Variants in NBEAL1 observed in about 807,000 individuals in gnomAD.
NBEAL1 encodes the protein neurobeachin like 1, also known as neurobeachin-like protein 1.
A neutral mutation model predicts 351.3 loss-of-function variants in NBEAL1; 273 were observed. The observed-to-expected ratio is 0.78, with a 90% CI of 0.70 to 0.86. NBEAL1 has a LOEUF of 0.86. NBEAL1 is among the 40% of genes least tolerant of loss of function. The pLI is 0.00. For synonymous variants in NBEAL1, 1,050 were observed against 1,086.4 expected (o/e 0.97, Z 0.66); for missense variants, 2,961 against 3,201.3 (o/e 0.92, Z 1.81).
chr2:203,211,195 T>A, intron 54 of NBEAL1, 89 bp downstream of exon 54: 1 of 1,008,240 alleles, frequency 9.9e-7, no homozygotes, highest in Non-Finnish European at 1.4e-6. Flanking sequence ...AGATTTTTAA[T>A]CTTTTGGTTT....
intron 2 of NBEAL1, among the ~76,000 whole-genome samples, chr2:203,033,277 G>T (rs2060982040): frequency 6.6e-6 from 1 of 152,200 alleles, no homozygotes; most frequent in Non-Finnish European, 1.5e-5. Context: ...TGGAATTACA[G>T]GCGTGAGCCA....
At chr2:203,121,344 G>A (rs2062825331) in intron 18 of NBEAL1, among the ~76,000 whole-genome samples, 2 of 152,038 alleles carry the variant, frequency 1.3e-5, no homozygotes, top group African/African-American at 4.8e-5. Flanking sequence ...GTTTAAAAGA[G>A]AAAAATTTAA....
chr2:203,050,099 G>T, intron 4 of NBEAL1, 124 bp downstream of exon 4: 1 of 850,880 alleles, frequency 1.2e-6, no homozygotes. Flanking sequence ...GCTAGGAGAG[G>T]GATAACATTA....
chr2:203,202,579 G>A, intron 50 of NBEAL1, 108 bp from the exon 51 acceptor site: 2 of 699,352 alleles, frequency 2.9e-6, no homozygotes, highest in Non-Finnish European at 5.2e-6. Flanking sequence ...ATTCCTCCCT[G>A]TTGGCATAAC....
intron 25 of NBEAL1, 31 bp downstream of exon 25, chr2:203,130,507 T>C: frequency 7.3e-7 from 1 of 1,361,372 alleles, no homozygotes. Flanking sequence ...TCTTTGTATT[T>C]TGAGGCGTTT....
At chr2:203,022,749 T>G (rs1358776732) in intron 2 of NBEAL1, among the ~76,000 whole-genome samples, 2 of 152,214 alleles carry the variant, frequency 1.3e-5, no homozygotes, top group Non-Finnish European at 2.9e-5. Flanking sequence ...CTTACTATTT[T>G]ATCAGTAGTA....
intron 51 of NBEAL1, among the ~76,000 whole-genome samples, chr2:203,207,398 C>T (rs1312526365): frequency 1.2e-4 from 18 of 152,190 alleles, no homozygotes; most frequent in Non-Finnish European, 2.5e-4. Flanking sequence ...GCCACCACCC[C>T]GTCTGGGAGG....
Position 203,145,138 on chromosome 2 carries a change from G to A in NBEAL1, c.5282G>A (p.Gly1761Glu), listed in dbSNP as rs764775155. The A allele has an allele frequency of 1.8e-5, 29 of 1,600,794 alleles. No individual in the cohort carries two copies. The highest frequency in any genetic ancestry group is 2.5e-5 in the Non-Finnish European group (29 of 1,176,696). Residue 1761 changes from glycine (G) to glutamate (E), a missense_variant, in exon 33 of 56, where the codon GGG (glycine) becomes GAG (glutamate). Coordinates refer to ENST00000683969, the MANE Select transcript of NBEAL1 (RefSeq NM_001378026.1). ...ATGCATAAACGAGACCGGGAAGGAG[G>A]GGAAAGCAAGCTCAAATTTCAGGTA... ...VNMHKRDREG[G>E]ESKLKFQELF...
In NBEAL1 at chr2:203,016,247, T is replaced by C; in HGVS notation, c.-138T>C. On this transcript the variant is annotated 5_prime_UTR_variant, in exon 2 of 56. Transcript: ENST00000683969. Reference sequence around the variant, plus strand: ...GTTTTTAACCAGAGGACAGTCCATTTGTTTCACTTCTTTTTGCTTTCTTTA... The same window carrying C: ...GTTTTTAACCAGAGGACAGTCCATTCGTTTCACTTCTTTTTGCTTTCTTTA... The C allele has an allele frequency of 2.1e-6, 1 of 482,986 alleles. No homozygotes were observed. The highest frequency in any genetic ancestry group is 3.6e-6 in the Non-Finnish European group (1 of 280,976). 29.9% of individuals were successfully genotyped at this position (482,986 alleles called of 1,614,324 possible).
intron 36 of NBEAL1, among the ~76,000 whole-genome samples, chr2:203,160,325 C>T (rs901792565): frequency 1.4e-4 from 22 of 152,116 alleles, no homozygotes; most frequent in African/African-American, 5.1e-4. Flanking sequence ...AGGTGATCCA[C>T]CCGCCTCGGC....
At chr2:203,030,634 A>G (rs2060935523) in intron 2 of NBEAL1, among the ~76,000 whole-genome samples, 1 of 152,226 alleles carries the variant, frequency 6.6e-6, no homozygotes, top group Non-Finnish European at 1.5e-5. Flanking sequence ...TCCCTCCACT[A>G]GGACTTCAGG....
At position 203,144,736 on chromosome 2, in the gene NBEAL1, A is replaced by T. The variant is rs116563932; in HGVS notation, c.4985A>T (p.Tyr1662Phe). The change falls in exon 32 of 56, where the codon TAC becomes TTC. Residue 1662 changes from tyrosine to phenylalanine, a missense_variant. Tyr to Phe is a conservative substitution (Grantham distance 22, BLOSUM62 3). Transcript: ENST00000683969. ...TCAATCAAGGAACAGACTGAAATCT[A>T]CTCATTTCTGATTCCCCTTGTTCGT... is the stretch of plus-strand genomic sequence containing the variant. ...SQSIKEQTEI[Y>F]SFLIPLVRTL... The T allele has an allele frequency of 8.8e-4, 1,427 of 1,614,022 alleles. 12 individuals carry two copies. In the African/African-American group the frequency reaches 0.017, roughly 20 times the overall value.
At chr2:203,026,969 C>T (rs577760493) in intron 2 of NBEAL1, among the ~76,000 whole-genome samples, 2 of 152,200 alleles carry the variant, frequency 1.3e-5, no homozygotes, top group African/African-American at 4.8e-5. Flanking sequence ...TTTTAATATA[C>T]GTTCAGCCTG....
rs189040610 is a variant in NBEAL1 at position 203,158,782 on chromosome 2, T to C, written c.5714+957T>C. Among the ~76,000 whole-genome samples, 278 of 151,710 alleles carry C rather than the reference T, an allele frequency of 1.8e-3. 9 individuals carry two copies. The highest frequency in any genetic ancestry group is 0.018 in the Admixed American group (267 of 15,174). On this transcript the variant is annotated intron_variant, in intron 36 of 55. Coordinates refer to ENST00000683969, the MANE Select transcript of NBEAL1 (RefSeq NM_001378026.1). The stretch of plus-strand genomic sequence containing the variant: ...CATTTCCTTTCAGCCTAAAAGACTT[T>C]CTCCAGTTTTTTTGTGTGTGTTTTT...
intron 36 of NBEAL1, 65 bp downstream of exon 36, chr2:203,157,890 T>G (rs1156688878): frequency 1.5e-6 from 2 of 1,297,406 alleles, no homozygotes; most frequent in Non-Finnish European, 2.0e-6. Context: ...TGGAAAAGAT[T>G]TGCTTGAAAT....
chr2:203,207,212 C>T (rs1183384323), intron 51 of NBEAL1, among the ~76,000 whole-genome samples: 3 of 150,834 alleles, frequency 2.0e-5, no homozygotes, highest in South Asian at 2.1e-4. Context: ...GTGAGGAGCC[C>T]CTCCGCCTGG....
At chr2:203,151,220 A>G (rs2063642639) in intron 34 of NBEAL1, among the ~76,000 whole-genome samples, 1 of 152,094 alleles carries the variant, frequency 6.6e-6, no homozygotes, top group Admixed American at 6.6e-5. Context: ...AATCCCTGCT[A>G]TGTCAGGAGG....
At chr2:203,137,975 C>G (rs1354332318) in intron 29 of NBEAL1, among the ~76,000 whole-genome samples, 187 bp from the exon 30 acceptor site, 2 of 145,994 alleles carry the variant, frequency 1.4e-5, no homozygotes, top group Non-Finnish European at 3.0e-5. Flanking sequence ...CAAGAGCGAT[C>G]TCTGCACTCC....
chr2:203,118,594 CTT>C (rs5837841), intron 18 of NBEAL1, among the ~76,000 whole-genome samples: 6 of 144,772 alleles, frequency 4.1e-5, no homozygotes, highest in Admixed American at 2.1e-4. Context: ...TGACAGCCAA[CTT>C]TTTTTTTTTT....
Sources: gnomAD v4.1 joint callset for allele counts (sites outside exome capture counted in the v4.1 genomes callset) on GRCh38, gnomAD v4.1.1 for gene constraint, MANE v1.5 for transcripts, NCBI Gene and HGNC (gene_info 2026-07-23, HGNC 2026-07-21) for gene names.